The following GLIS3 variants were observed in gnomAD, a reference collection of about 807,000 sequenced individuals.
The protein encoded by GLIS3 is GLIS family zinc finger 3.
In GLIS3, 53 loss-of-function variants were observed where a neutral mutation model predicts 78.6. That is an observed-to-expected ratio of 0.67 (90% confidence interval 0.54 to 0.85). The LOEUF (loss-of-function observed/expected upper bound fraction) is 0.85. Among genes scored for constraint, GLIS3 ranks in the 40% least tolerant of loss-of-function variants. The probability of loss-of-function intolerance (pLI) is 0.00; values close to 1 mark genes in which losing one functional copy is unlikely to be tolerated. For missense variants in GLIS3, 1,703 were observed against 1,231.1 expected, an observed-to-expected ratio of 1.38 and a Z score of -5.74; for synonymous variants, 684 against 509.9, an observed-to-expected ratio of 1.34 and a Z score of -4.60.
intron 4 of GLIS3, among the ~76,000 whole-genome samples, chr9:4,006,933 G>T (rs72685689): frequency 1.3e-5 from 2 of 152,178 alleles, no homozygotes; most frequent in Non-Finnish European, 1.5e-5. Flanking sequence ...AAGCTGTCTA[G>T]GGAAGAAGCA....
the GLIS3 span, among the ~76,000 whole-genome samples, chr9:4,375,449 T>C: frequency 6.6e-6 from 1 of 152,238 alleles, no homozygotes; most frequent in African/African-American, 2.4e-5. Flanking sequence ...ATAATATAAA[T>C]GTAAGGTTTC....
intron 4 of GLIS3, among the ~76,000 whole-genome samples, chr9:4,025,286 A>C (rs1823237175): frequency 1.3e-5 from 2 of 152,132 alleles, no homozygotes; most frequent in Admixed American, 1.3e-4. Context: ...ACTCAAATAA[A>C]CATGTGCTGA....
At chr9:4,107,752 T>TAAAAAA (rs34563848) in intron 4 of GLIS3, among the ~76,000 whole-genome samples, 1 of 142,650 alleles carries the variant, frequency 7.0e-6, no homozygotes, top group Non-Finnish European at 1.5e-5. Flanking sequence ...ACAGGTTACC[T>TAAAAAA]AAAAAAAAAA....
chr9:3,893,143 A>G (rs1822575108), intron 7 of GLIS3, among the ~76,000 whole-genome samples: 1 of 152,138 alleles, frequency 6.6e-6, no homozygotes, highest in Non-Finnish European at 1.5e-5. Flanking sequence ...AATAACCAAT[A>G]CTTTTCCCAA....
intron 4 of GLIS3, among the ~76,000 whole-genome samples, chr9:4,100,605 CT>C (rs1474620861): frequency 1.3e-5 from 2 of 151,978 alleles, no homozygotes; most frequent in Non-Finnish European, 2.9e-5. Context: ...ATTCTGAGGG[CT>C]TTTTTTAACC....
chr9:4,466,999 C>T, the GLIS3 span, among the ~76,000 whole-genome samples: 695 of 152,346 alleles, frequency 4.6e-3, 3 homozygotes, highest in African/African-American at 0.015. Flanking sequence ...GCACCTGGCT[C>T]GGCGGGTCCC....
the GLIS3 span, among the ~76,000 whole-genome samples, chr9:4,353,444 G>C: frequency 2.2e-4 from 34 of 152,300 alleles, 1 homozygote; most frequent in African/African-American, 7.9e-4. Context: ...TTGAGCCTCA[G>C]GATTCCAAAG....
chr9:4,041,697 T>A (rs1824825346), intron 4 of GLIS3, among the ~76,000 whole-genome samples: 1 of 152,174 alleles, frequency 6.6e-6, no homozygotes. Context: ...CGTCACAAAG[T>A]CCCTGACTCT....
the GLIS3 span, among the ~76,000 whole-genome samples, chr9:4,373,670 CTTT>C: frequency 8.6e-5 from 12 of 139,728 alleles, no homozygotes; most frequent in African/African-American, 2.1e-4. Flanking sequence ...ATTTTCTTTT[CTTT>C]TTTTTTTTTT....
intron 2 of GLIS3, among the ~76,000 whole-genome samples, chr9:4,221,573 G>C (rs921972455): frequency 6.6e-5 from 10 of 152,054 alleles, no homozygotes; most frequent in Admixed American, 6.5e-5. Context: ...TCAGATACCT[G>C]ACTTGATTTT....
intron 2 of GLIS3, among the ~76,000 whole-genome samples, chr9:4,342,519 G>A (rs770971172): frequency 7.2e-5 from 11 of 152,158 alleles, no homozygotes; most frequent in Admixed American, 3.3e-4. Context: ...GTTGGGTAAC[G>A]TGATCTCTCC....
chr9:4,388,882 G>A, the GLIS3 span, among the ~76,000 whole-genome samples: 1 of 152,062 alleles, frequency 6.6e-6, no homozygotes, highest in East Asian at 1.9e-4. Flanking sequence ...GCTGCTCCTG[G>A]AACAGAAGAG....
chr9:3,933,346 T>A (rs979205418), intron 5 of GLIS3, among the ~76,000 whole-genome samples: 3 of 152,206 alleles, frequency 2.0e-5, no homozygotes, highest in African/African-American at 7.2e-5. Flanking sequence ...CAGCACTTTT[T>A]AATTTTTGTA....
chr9:4,168,304 C>T (rs1246995454), intron 2 of GLIS3, among the ~76,000 whole-genome samples: 2 of 152,092 alleles, frequency 1.3e-5, no homozygotes, highest in Admixed American at 1.3e-4. Flanking sequence ...CCTAATTATA[C>T]ATATAAGACA....
chr9:4,268,017 A>T (rs1052266629), intron 2 of GLIS3, among the ~76,000 whole-genome samples: 7 of 151,968 alleles, frequency 4.6e-5, no homozygotes, highest in Non-Finnish European at 5.9e-5. Flanking sequence ...ATATACATAG[A>T]TGTGTATATA....
At chr9:3,994,691 T>C (rs1820601280) in intron 4 of GLIS3, among the ~76,000 whole-genome samples, 2 of 152,226 alleles carry the variant, frequency 1.3e-5, no homozygotes, top group Non-Finnish European at 2.9e-5. Context: ...GATGTCAGCC[T>C]GTGCTCAACC....
At chr9:4,200,422 G>GA (rs761097487) in intron 2 of GLIS3, among the ~76,000 whole-genome samples, 31 of 151,660 alleles carry the variant, frequency 2.0e-4, no homozygotes, top group East Asian at 3.9e-4. Context: ...ATTATTCAAA[G>GA]AAAAAAAACA....
intron 1 of GLIS3, among the ~76,000 whole-genome samples, chr9:4,347,587 G>C (rs1473607326): frequency 6.6e-6 from 1 of 152,142 alleles, no homozygotes; most frequent in African/African-American, 2.4e-5. Flanking sequence ...AGTTTTATAT[G>C]TGTGCTGAAG....
intron 3 of GLIS3, among the ~76,000 whole-genome samples, chr9:4,121,705 G>C (rs974960078): frequency 4.6e-5 from 7 of 151,790 alleles, no homozygotes; most frequent in African/African-American, 1.7e-4. Flanking sequence ...GTGCTTGATA[G>C]GCAGTGACCT....
Sources: gnomAD v4.1 joint callset for allele counts (sites outside exome capture counted in the v4.1 genomes callset) on GRCh38, gnomAD v4.1.1 for gene constraint, MANE v1.5 for transcripts, NCBI Gene and HGNC (gene_info 2026-07-23, HGNC 2026-07-21) for gene names.